Variants in LMNTD1 observed in about 807,000 individuals in gnomAD.
The protein encoded by LMNTD1 is lamin tail domain-containing protein 1.
In LMNTD1, 35 loss-of-function variants were observed where a neutral mutation model predicts 50.9. The observed-to-expected ratio is 0.69, with a 90% CI of 0.53 to 0.91. The LOEUF is 0.91. Among genes scored for constraint, LMNTD1 ranks in the 40% least tolerant of loss-of-function variants. The pLI is 0.00. For missense variants in LMNTD1, 470 were observed against 475.5 expected (o/e 0.99, Z 0.11); for synonymous variants, 153 against 161.9 (o/e 0.94, Z 0.42).
chr12:25,487,979 G>T (rs1266734400), intron 9 of LMNTD1, among the ~76,000 whole-genome samples: 1 of 148,794 alleles, frequency 6.7e-6, no homozygotes, highest in Non-Finnish European at 1.5e-5. Context: ...CTTCTGGCTT[G>T]TGGGGTTTCT....
chr12:25,480,515 T>C (rs894561503), intron 9 of LMNTD1, among the ~76,000 whole-genome samples: 1 of 152,130 alleles, frequency 6.6e-6, no homozygotes, highest in Non-Finnish European at 1.5e-5. Flanking sequence ...AAAAGGTCAA[T>C]CCTCTGTCTG....
chr12:25,560,442 C>G (rs148649096), intron 1 of LMNTD1, among the ~76,000 whole-genome samples: 1 of 152,020 alleles, frequency 6.6e-6, no homozygotes, highest in African/African-American at 2.4e-5. Context: ...TTTGGTTACT[C>G]TAGCCTTGTA....
At chr12:25,640,955 C>T (rs1341832454) in intron 1 of LMNTD1, among the ~76,000 whole-genome samples, 1 of 152,214 alleles carries the variant, frequency 6.6e-6, no homozygotes, top group Non-Finnish European at 1.5e-5. Flanking sequence ...GCGTAAGCCA[C>T]CGTGCCCAGC....
intron 1 of LMNTD1, among the ~76,000 whole-genome samples, chr12:25,587,075 CTT>C (rs1206212607): frequency 6.6e-6 from 1 of 152,190 alleles, no homozygotes; most frequent in Non-Finnish European, 1.5e-5. Flanking sequence ...TATTCAACCT[CTT>C]AAAACCATCT....
intron 9 of LMNTD1, among the ~76,000 whole-genome samples, chr12:25,487,531 T>C (rs1252651624): frequency 7.0e-6 from 1 of 143,272 alleles, no homozygotes; most frequent in Non-Finnish European, 1.5e-5. Context: ...TGTGTGTCTC[T>C]GCACGTGAGA....
intron 1 of LMNTD1, among the ~76,000 whole-genome samples, chr12:25,645,802 T>TA (rs1357937745): frequency 6.6e-6 from 1 of 152,212 alleles, no homozygotes; most frequent in African/African-American, 2.4e-5. Flanking sequence ...ACAGGGTTGT[T>TA]ATGCACATGA....
At chr12:25,580,569 A>G (rs1325251875) in intron 1 of LMNTD1, among the ~76,000 whole-genome samples, 1 of 152,198 alleles carries the variant, frequency 6.6e-6, no homozygotes, top group East Asian at 1.9e-4. Context: ...GTTTGATAAA[A>G]TGAACAAAAT....
At chr12:25,489,168 TC>T (rs1270749616) in intron 9 of LMNTD1, among the ~76,000 whole-genome samples, 1 of 151,996 alleles carries the variant, frequency 6.6e-6, no homozygotes, top group Non-Finnish European at 1.5e-5. Flanking sequence ...AGTTCGAGCT[TC>T]CCGGCTGCTT....
chr12:25,601,584 A>G (rs953847266), intron 1 of LMNTD1, among the ~76,000 whole-genome samples: 3 of 152,062 alleles, frequency 2.0e-5, no homozygotes, highest in Non-Finnish European at 2.9e-5. Flanking sequence ...CCACAAATAT[A>G]TGTACCTACC....
At chr12:25,626,510 G>A (rs1361226983) in intron 1 of LMNTD1, among the ~76,000 whole-genome samples, 1 of 152,138 alleles carries the variant, frequency 6.6e-6, no homozygotes, top group African/African-American at 2.4e-5. Context: ...AGTAGGGATT[G>A]TTATGACTTT....
At chr12:25,596,044 A>C (rs777544266) in intron 1 of LMNTD1, among the ~76,000 whole-genome samples, 10 of 152,134 alleles carry the variant, frequency 6.6e-5, no homozygotes, top group Non-Finnish European at 1.5e-4. Flanking sequence ...AATCTGGAAG[A>C]ATTAGATACC....
intron 1 of LMNTD1, among the ~76,000 whole-genome samples, chr12:25,588,687 C>A (rs1945612463): frequency 2.0e-5 from 3 of 152,150 alleles, no homozygotes; most frequent in Admixed American, 6.5e-5. Flanking sequence ...ATATTTATTT[C>A]TTGTCTTAGG....
intron 6 of LMNTD1, among the ~76,000 whole-genome samples, chr12:25,524,547 C>T (rs1447580053): frequency 6.6e-6 from 1 of 152,166 alleles, no homozygotes; most frequent in Non-Finnish European, 1.5e-5. Flanking sequence ...TCCAGGAGCT[C>T]AGGGACCTGG....
chr12:25,485,590 T>C (rs1468198663), intron 9 of LMNTD1, among the ~76,000 whole-genome samples: 3 of 140,688 alleles, frequency 2.1e-5, no homozygotes, highest in Non-Finnish European at 4.6e-5. Flanking sequence ...CATGCCTATG[T>C]CCTGAATGGT....
At chr12:25,597,933 T>G (rs1012887516) in intron 1 of LMNTD1, among the ~76,000 whole-genome samples, 2 of 152,108 alleles carry the variant, frequency 1.3e-5, no homozygotes, top group African/African-American at 4.8e-5. Context: ...CCACTTGTTG[T>G]GGGAGGAGCT....
chr12:25,637,149 T>A (rs1385795438), intron 1 of LMNTD1, among the ~76,000 whole-genome samples: 1 of 152,018 alleles, frequency 6.6e-6, no homozygotes, highest in Non-Finnish European at 1.5e-5. Context: ...ATAAATAAAT[T>A]AATTAAAATA....
intron 4 of LMNTD1, among the ~76,000 whole-genome samples, chr12:25,527,677 TATATAC>T (rs1167154745): frequency 5.7e-3 from 111 of 19,552 alleles, no homozygotes; most frequent in South Asian, 0.012. Context: ...TATATATATA[TATATAC>T]ACACACACAC....
At chr12:25,500,640 C>T (rs766541898) in intron 9 of LMNTD1, among the ~76,000 whole-genome samples, 1 of 152,142 alleles carries the variant, frequency 6.6e-6, no homozygotes, top group Non-Finnish European at 1.5e-5. Context: ...CATTTGTTCC[C>T]CTGCTCTTTC....
intron 8 of LMNTD1, among the ~76,000 whole-genome samples, chr12:25,514,669 T>A (rs974762849): frequency 2.6e-5 from 4 of 152,118 alleles, no homozygotes; most frequent in African/African-American, 9.7e-5. Flanking sequence ...AAGGGTGTAA[T>A]TGGATTGTTT....
Sources: allele counts gnomAD v4.1 joint callset (sites outside exome capture counted in the v4.1 genomes callset), GRCh38; gene constraint gnomAD v4.1.1; transcripts MANE v1.5; gene names NCBI Gene and HGNC (gene_info 2026-07-23, HGNC 2026-07-21).